Variants in CHRNA7 observed in about 807,000 individuals in gnomAD.
CHRNA7 encodes the protein neuronal acetylcholine receptor subunit alpha-7.
In CHRNA7, 17 loss-of-function variants were observed where a neutral mutation model predicts 48.0. The observed-to-expected ratio is 0.35, with a 90% CI of 0.24 to 0.53. The LOEUF (loss-of-function observed/expected upper bound fraction) is 0.53, where lower values mean the gene tolerates loss of function less well. CHRNA7 is among the 20% of genes least tolerant of loss of function. CHRNA7 has a pLI of 0.92. For missense variants in CHRNA7, 155 were observed against 577.7 expected, an observed-to-expected ratio of 0.27 and a Z score of 7.50; for synonymous variants, 75 against 242.3, an observed-to-expected ratio of 0.31 and a Z score of 6.41.
chr15:32,101,282 G>GTTT, intron 2 of CHRNA7, 21 bp from the exon 3 acceptor site: 1 of 919,874 alleles, frequency 1.1e-6, no homozygotes. Context: ...TTATGCTGCT[G>GTTT]CTTTTTTTTT....
intron 4 of CHRNA7, among the ~76,000 whole-genome samples, chr15:32,151,122 T>A (rs2051619833): frequency 6.6e-6 from 1 of 152,142 alleles, no homozygotes; most frequent in African/African-American, 2.4e-5. Context: ...TACTACTTTT[T>A]TCCTAGAGTT....
intron 2 of CHRNA7, among the ~76,000 whole-genome samples, chr15:32,095,801 C>T (rs2050459385): frequency 6.6e-6 from 1 of 152,184 alleles, no homozygotes; most frequent in Non-Finnish European, 1.5e-5. Flanking sequence ...GTACAATTAC[C>T]AAAGGGAATT....
intron 4 of CHRNA7, among the ~76,000 whole-genome samples, chr15:32,125,830 G>C (rs570537790): frequency 6.6e-6 from 1 of 152,112 alleles, no homozygotes; most frequent in Non-Finnish European, 1.5e-5. Context: ...ACTCTGTCCT[G>C]CTGGGCATGA....
At chr15:32,077,273 T>C (rs972899889) in intron 2 of CHRNA7, among the ~76,000 whole-genome samples, 5 of 152,184 alleles carry the variant, frequency 3.3e-5, no homozygotes, top group African/African-American at 1.2e-4. Flanking sequence ...GTATAGGTAT[T>C]GTGTGGACAT....
intron 4 of CHRNA7, 111 bp downstream of exon 4, chr15:32,112,010 G>A: frequency 1.3e-6 from 1 of 766,884 alleles, no homozygotes; most frequent in Non-Finnish European, 2.3e-6. Context: ...ATGATCTGGG[G>A]CCACTGCTCC....
chr15:32,149,020 G>C lies in CHRNA7; in HGVS notation c.351-4887G>C, dbSNP rs1175014733. Among the ~76,000 whole-genome samples the C allele has an allele frequency of 6.6e-6, 1 of 152,140 alleles. No individual in the cohort carries two copies. Among genetic ancestry groups the C allele is most frequent in the Non-Finnish European group, 1.5e-5 (1 of 68,028 alleles). ...CCCAGTCACCCCCTCCGTGGTGAGGGTAGGGCTCAGAGCTCTCCTCACACC... is the reference window on the plus strand; with the variant it reads ...CCCAGTCACCCCCTCCGTGGTGAGGCTAGGGCTCAGAGCTCTCCTCACACC... On this transcript the variant is annotated intron_variant, in intron 4 of 9. Transcript: ENST00000306901. This position sits in a 1 kb window ranked among gnomAD's most constrained non-coding sequence, Gnocchi z 4.6.
intron 2 of CHRNA7, among the ~76,000 whole-genome samples, chr15:32,033,966 G>A (rs1901965605): frequency 6.6e-6 from 1 of 152,178 alleles, no homozygotes; most frequent in African/African-American, 2.4e-5. Flanking sequence ...TTCCACACAT[G>A]CTATTGAGCT....
intron 4 of CHRNA7, among the ~76,000 whole-genome samples, chr15:32,122,886 G>GTAAA (rs2050997308): frequency 2.7e-5 from 2 of 73,718 alleles, no homozygotes; most frequent in Non-Finnish European, 6.5e-5. Flanking sequence ...AGCTCTCAAA[G>GTAAA]CAAAAAAAAA....
intron 2 of CHRNA7, chr15:32,098,939 T>G (rs1166791611): frequency 6.9e-6 from 1 of 145,832 alleles, no homozygotes; most frequent in Non-Finnish European, 1.5e-5. Context: ...GGAGCAATAT[T>G]AATTTCCACT....
At chr15:32,079,951 A>T (rs1395226008) in intron 2 of CHRNA7, among the ~76,000 whole-genome samples, 1 of 152,202 alleles carries the variant, frequency 6.6e-6, no homozygotes, top group African/African-American at 2.4e-5. Flanking sequence ...ACAAAAACAG[A>T]CACATAGACC....
At chr15:32,050,784 C>G (rs2049656036) in intron 2 of CHRNA7, among the ~76,000 whole-genome samples, 1 of 151,876 alleles carries the variant, frequency 6.6e-6, no homozygotes, top group Non-Finnish European at 1.5e-5. Context: ...GTTTTATTTA[C>G]TTTTGGTCTT....
At chr15:32,137,678 A>G (rs2051297163) in intron 4 of CHRNA7, among the ~76,000 whole-genome samples, 1 of 152,260 alleles carries the variant, frequency 6.6e-6, no homozygotes, top group African/African-American at 2.4e-5. Context: ...ACTAGAAAAT[A>G]AATATATGGA....
intron 2 of CHRNA7, among the ~76,000 whole-genome samples, chr15:32,091,030 A>T (rs2050374004): frequency 6.6e-6 from 1 of 151,974 alleles, no homozygotes; most frequent in African/African-American, 2.4e-5. Context: ...CCACCCATTG[A>T]GCTTTTATTT....
At chr15:32,042,763 A>C (rs969858553) in intron 2 of CHRNA7, among the ~76,000 whole-genome samples, 1 of 152,202 alleles carries the variant, frequency 6.6e-6, no homozygotes, top group African/African-American at 2.4e-5. Flanking sequence ...TTGGGCTCCA[A>C]GAAGAGCTGT....
intron 2 of CHRNA7, among the ~76,000 whole-genome samples, chr15:32,065,565 T>A (rs1365491808): frequency 6.6e-6 from 1 of 152,268 alleles, no homozygotes; most frequent in Non-Finnish European, 1.5e-5. Context: ...GAATTCGATG[T>A]CCACAAGTTC....
intron 3 of CHRNA7, among the ~76,000 whole-genome samples, chr15:32,105,249 G>T (rs928339845): frequency 2.0e-5 from 3 of 152,198 alleles, no homozygotes; most frequent in Non-Finnish European, 1.5e-5. Context: ...GGCCAGGTGA[G>T]GGGACCCAGA....
chr15:32,153,735 G>A (rs1383010129), intron 4 of CHRNA7, 172 bp from the exon 5 acceptor site: 2 of 623,690 alleles, frequency 3.2e-6, no homozygotes, highest in African/African-American at 3.7e-5. Context: ...CTGTGCCCGG[G>A]GAAGACCTCC....
chr15:32,113,085 C>G (rs1009439490), intron 4 of CHRNA7, among the ~76,000 whole-genome samples: 2 of 152,102 alleles, frequency 1.3e-5, no homozygotes, highest in Non-Finnish European at 2.9e-5. Context: ...TTTGCCAAGG[C>G]TGCTGTAACA....
rs1480257182 is a variant in CHRNA7 at position 32,125,112 on chromosome 15, A to G, written c.350+13213A>G. ...CTAAATATTACGAGAAAGAAAAAAC[A>G]CTATCATTACTTCCAGTTGGTTAGT... On this transcript the variant is annotated intron_variant, in intron 4 of 9. Transcript: ENST00000306901. 2.0e-5 allele frequency among the ~76,000 whole-genome samples: 3 copies of G among 152,242 alleles called. No homozygotes were observed. In the East Asian group the frequency reaches 5.8e-4, roughly 29 times the overall value.
Sources: gnomAD v4.1 joint callset for allele counts (sites outside exome capture counted in the v4.1 genomes callset) on GRCh38, gnomAD v4.1.1 for gene constraint, Gnocchi (gnomAD v3.1) non-coding constraint, MANE v1.5 for transcripts, NCBI Gene and HGNC (gene_info 2026-07-23, HGNC 2026-07-21) for gene names.